The following PPP3CA variants were observed in gnomAD, a reference collection of about 807,000 sequenced individuals.
PPP3CA encodes CAM-PRP catalytic subunit.
In PPP3CA, 14 loss-of-function variants were observed where a neutral mutation model predicts 66.5. That is an observed-to-expected ratio of 0.21 (90% CI 0.14 to 0.33). The LOEUF is 0.33. PPP3CA is among the 10% of genes least tolerant of loss of function. The pLI, the probability that PPP3CA is intolerant of heterozygous loss-of-function variation, is 1.00. For synonymous variants in PPP3CA, 232 were observed against 226.2 expected, an observed-to-expected ratio of 1.03 and a Z score of -0.23; for missense variants, 317 against 639.5, an observed-to-expected ratio of 0.50 and a Z score of 5.44.
At chr4:101,070,246 A>G (rs1312929726) in intron 8 of PPP3CA, among the ~76,000 whole-genome samples, 1 of 152,098 alleles carries the variant, frequency 6.6e-6, no homozygotes, top group Admixed American at 6.6e-5. Context: ...TGAAGAAAAA[A>G]CCTAAGGAAT....
chr4:101,346,045 C>G (rs1729975475), intron 1 of PPP3CA, among the ~76,000 whole-genome samples: 1 of 152,122 alleles, frequency 6.6e-6, no homozygotes, highest in Admixed American at 6.5e-5. Flanking sequence ...CTGGTGCTCT[C>G]AGGTCGTTCC....
At chr4:101,242,009 T>C (rs538433957) in intron 1 of PPP3CA, among the ~76,000 whole-genome samples, 3 of 152,298 alleles carry the variant, frequency 2.0e-5, no homozygotes, top group South Asian at 4.1e-4. Context: ...ATCAGTTTTA[T>C]GGCATCTTAT....
Position 101,061,180 on chromosome 4 carries a change from G to A in PPP3CA, c.1082-19C>T. On this transcript the variant is annotated intron_variant, in intron 9 of 13. Coordinates refer to ENST00000394854, the MANE Select transcript of PPP3CA (RefSeq NM_000944.5). Reference sequence around the variant, plus strand: ...TCAGTCACTAAAGAGAGAAAGCAAAGAAAGAAAAGTCAGGGTTTTCTGTTA... The same window carrying A: ...TCAGTCACTAAAGAGAGAAAGCAAAAAAAGAAAAGTCAGGGTTTTCTGTTA... 3.1e-6 allele frequency: 5 copies of A among 1,604,420 alleles called. No homozygotes were observed. Among genetic ancestry groups the A allele is most frequent in the South Asian group, 2.2e-5 (2 of 90,854 alleles).
intron 2 of PPP3CA, among the ~76,000 whole-genome samples, chr4:101,166,279 AT>A (rs1254813845): frequency 6.6e-6 from 1 of 152,084 alleles, no homozygotes; most frequent in Non-Finnish European, 1.5e-5. Flanking sequence ...GAGGTACACA[AT>A]TCTTTGGTGT....
At chr4:101,235,463 TATATA>T (rs1726098231) in intron 1 of PPP3CA, among the ~76,000 whole-genome samples, 1 of 134,166 alleles carries the variant, frequency 7.5e-6, no homozygotes, top group African/African-American at 2.6e-5. Flanking sequence ...ACAGAATGGA[TATATA>T]ATATGTGCAT....
At chr4:101,170,344 C>A (rs964057709) in intron 2 of PPP3CA, among the ~76,000 whole-genome samples, 7 of 152,018 alleles carry the variant, frequency 4.6e-5, no homozygotes, top group Non-Finnish European at 1.0e-4. Flanking sequence ...CTGCAAAGTA[C>A]CTGAGATGTT....
At chr4:101,039,475 G>C (rs923097028) in intron 11 of PPP3CA, among the ~76,000 whole-genome samples, 3 of 144,764 alleles carry the variant, frequency 2.1e-5, no homozygotes, top group African/African-American at 7.6e-5. Flanking sequence ...TTCAATAACG[G>C]AAGGGAGCAA....
In PPP3CA at chr4:101,093,918, A is replaced by G. The variant is rs1164527092; in HGVS notation, c.643-3T>C. On this transcript the variant is annotated splice_region_variant and splice_polypyrimidine_tract_variant and intron_variant, in intron 5 of 13. Transcript: ENST00000394854. ...GGTGGTTCTTTGAATCGGTCTAACT[A>G]AGAAAAATAGAAGACAGAGAGCAAA... 6.3e-7 allele frequency: 1 copy of G among 1,593,096 alleles called. No homozygotes were observed. The highest frequency in any genetic ancestry group is 8.5e-7 in the Non-Finnish European group (1 of 1,172,730).
chr4:101,094,584 TAAGCAGTA>T (rs1368952717), intron 5 of PPP3CA, among the ~76,000 whole-genome samples: 1 of 152,180 alleles, frequency 6.6e-6, no homozygotes, highest in African/African-American at 2.4e-5. Flanking sequence ...TGAGTAATGA[TAAGCAGTA>T]AAATAAACTC....
At chr4:101,247,171 CTT>C (rs879859426) in intron 1 of PPP3CA, among the ~76,000 whole-genome samples, 1 of 144,084 alleles carries the variant, frequency 6.9e-6, no homozygotes. Flanking sequence ...TTCGTTTTTT[CTT>C]TTTTTTTTTA....
chr4:101,293,246 C>T (rs546248126), intron 1 of PPP3CA, among the ~76,000 whole-genome samples: 36 of 152,290 alleles, frequency 2.4e-4, no homozygotes, highest in Admixed American at 1.1e-3. Context: ...TCCTCCTTTA[C>T]CTGCTTGCTC....
At chr4:101,177,156 A>G (rs1724088621) in intron 2 of PPP3CA, among the ~76,000 whole-genome samples, 1 of 152,180 alleles carries the variant, frequency 6.6e-6, no homozygotes, top group African/African-American at 2.4e-5. Flanking sequence ...ATGTTCAGGA[A>G]TTCATCATAT....
At chr4:101,328,092 C>T (rs1419889380) in intron 1 of PPP3CA, among the ~76,000 whole-genome samples, 1 of 152,126 alleles carries the variant, frequency 6.6e-6, no homozygotes, top group African/African-American at 2.4e-5. Flanking sequence ...AAGAGGCCTC[C>T]GTGTGAAATT....
At chr4:101,138,070 C>T (rs1315464253) in intron 2 of PPP3CA, among the ~76,000 whole-genome samples, 1 of 152,188 alleles carries the variant, frequency 6.6e-6, no homozygotes, top group African/African-American at 2.4e-5. Flanking sequence ...TATCACTCAT[C>T]TGGGCAGAAA....
intron 1 of PPP3CA, among the ~76,000 whole-genome samples, chr4:101,248,799 T>A (rs1247656367): frequency 6.6e-6 from 1 of 152,214 alleles, no homozygotes; most frequent in Non-Finnish European, 1.5e-5. Context: ...ACTCTGAAAT[T>A]CAAATCTGAA....
rs190564967 is a variant in PPP3CA, at chr4:101,138,362, A to G, written c.260-29284T>C. On this transcript the variant is annotated intron_variant, in intron 2 of 13. Transcript: ENST00000394854. The stretch of plus-strand genomic sequence containing the variant: ...GAGTTCTCATCTCTAAAACAGAAAT[A>G]AGACATCTATTCATTGGTTTATTGT... Among the ~76,000 whole-genome samples, 405 of 152,342 alleles carry G rather than the reference A, an allele frequency of 2.7e-3. 4 individuals are homozygous for G. Among genetic ancestry groups the G allele is most frequent in the African/African-American group, 9.3e-3 (388 of 41,584 alleles).
At chr4:101,289,663 G>C (rs1445757491) in intron 1 of PPP3CA, among the ~76,000 whole-genome samples, 1 of 151,952 alleles carries the variant, frequency 6.6e-6, no homozygotes, top group Non-Finnish European at 1.5e-5. Context: ...ATATAATTTA[G>C]TGTATACATT....
Position 101,195,958 on chromosome 4 carries a change from G to A in PPP3CA, c.217C>T (p.Arg73Ter). Residue 73 changes from arginine (R) to a stop codon, truncating the protein, a stop_gained, in exon 2 of 14, where the codon CGA (arginine) becomes TGA (stop). Coordinates refer to ENST00000394854, the MANE Select transcript of PPP3CA (RefSeq NM_000944.5). LOFTEE classifies it high-confidence loss of function. Reference sequence around the variant, plus strand: ...ATATCCAGCAAATTTTTTTCCTGTCGAAGAATTGATGCACCCTCTGTTATT... The same window carrying A: ...ATATCCAGCAAATTTTTTTCCTGTCAAAGAATTGATGCACCCTCTGTTATT... ...RIITEGASILRQEKNLLDIDA... is the reference protein window; with the variant it reads ...RIITEGASIL 6.2e-7 allele frequency: 1 copy of A among 1,613,688 alleles called. No homozygotes were observed. Among genetic ancestry groups the A allele is most frequent in the Non-Finnish European group, 8.5e-7 (1 of 1,179,864 alleles).
intron 2 of PPP3CA, among the ~76,000 whole-genome samples, chr4:101,191,735 C>G (rs1052138157): frequency 2.6e-5 from 4 of 152,192 alleles, no homozygotes; most frequent in African/African-American, 7.2e-5. Flanking sequence ...GGGGAATTCT[C>G]CTAATTGACG....
Sources: gnomAD v4.1 joint callset for allele counts (sites outside exome capture counted in the v4.1 genomes callset) on GRCh38, gnomAD v4.1.1 for gene constraint, MANE v1.5 for transcripts, NCBI Gene and HGNC (gene_info 2026-07-23, HGNC 2026-07-21) for gene names.